Variants in CAND2 observed in about 807,000 individuals in gnomAD.
The protein encoded by CAND2 is cullin associated and neddylation dissociated 2 (putative).
CAND2 carries 62 observed loss-of-function variants against 98.9 expected under a neutral mutation model. That is an observed-to-expected ratio of 0.63 (90% confidence interval 0.51 to 0.77). The LOEUF (loss-of-function observed/expected upper bound fraction) is 0.77. CAND2 is among the 30% of genes least tolerant of loss of function. The pLI, the probability that CAND2 is intolerant of heterozygous loss-of-function variation, is 0.00. For synonymous variants in CAND2, 770 were observed against 731.9 expected, an observed-to-expected ratio of 1.05 and a Z score of -0.84; for missense variants, 1,501 against 1,655.2, an observed-to-expected ratio of 0.91 and a Z score of 1.62.
intron 12 of CAND2, among the ~76,000 whole-genome samples, chr3:12,827,188 C>T (rs1237339007): frequency 6.6e-6 from 1 of 152,192 alleles, no homozygotes; most frequent in Non-Finnish European, 1.5e-5. Flanking sequence ...ATCAGTCAAG[C>T]AGTCAGCACA....
Position 12,815,299 on chromosome 3 carries a change from G to A in CAND2, c.1165G>A (p.Glu389Lys), listed in dbSNP as rs564884630. Residue 389 changes from glutamate (E) to lysine (K), a missense_variant, in exon 8 of 15, where the codon GAG (glutamate) becomes AAG (lysine). Around this residue, in one of 3 missense-constraint regions of CAND2, gnomAD observed 1,427 missense variants for 1,545.3 expected, o/e 0.92. Coordinates refer to ENST00000456430, the MANE Select transcript of CAND2 (RefSeq NM_001162499.2). The surrounding 1 kb of genome is among the most constrained non-coding windows in gnomAD (Gnocchi z 5.7). Reference sequence around the variant, plus strand: ...GCTCATCCGCCGCTTCAAAGAACGCGAGGAGAACGTCAAGGCTGACGTCTT... The same window carrying A: ...GCTCATCCGCCGCTTCAAAGAACGCAAGGAGAACGTCAAGGCTGACGTCTT... Reference protein sequence around the residue: ...PVLIRRFKEREENVKADVFTA... With the variant: ...PVLIRRFKERKENVKADVFTA... 19 of 1,613,982 alleles carry A rather than the reference G, an allele frequency of 1.2e-5. No individual in the cohort carries two copies. The highest frequency in any genetic ancestry group is 6.7e-5 in the Admixed American group (4 of 60,028).
In CAND2 at chr3:12,834,666, AT is replaced by A. The variant is rs1269954355; in HGVS notation, c.*685del. ...GCATCTTCCATGCCACCACCCAGGC[AT>A]AACCAGTTGGTTTGTTTCCTTCTGA... On this transcript the variant is annotated 3_prime_UTR_variant, in exon 15 of 15. Transcript: ENST00000456430. The A allele has an allele frequency of 6.6e-6, 1 of 152,488 alleles. No homozygotes were observed. Among genetic ancestry groups the A allele is most frequent in the Non-Finnish European group, 1.5e-5 (1 of 68,260 alleles). The allele number at this position is 152,488 out of a possible 1,614,324, so 9.4% of individuals were successfully genotyped here.
chr3:12,812,153 T>C (rs2061856180), intron 5 of CAND2, among the ~76,000 whole-genome samples: 1 of 144,254 alleles, frequency 6.9e-6, no homozygotes, highest in Non-Finnish European at 1.5e-5. Flanking sequence ...AGATGATCCA[T>C]CTGCCTTGGC....
At chr3:12,798,862 A>T (rs966962387) in intron 1 of CAND2, among the ~76,000 whole-genome samples, 3 of 151,056 alleles carry the variant, frequency 2.0e-5, no homozygotes, top group Non-Finnish European at 2.9e-5. Flanking sequence ...GTTTCAGCTG[A>T]GTTGCCTCTA....
intron 10 of CAND2, 128 bp from the exon 11 acceptor site, chr3:12,819,958 C>G (rs769674684): frequency 2.9e-6 from 2 of 696,940 alleles, no homozygotes; most frequent in Non-Finnish European, 5.0e-6. Flanking sequence ...TCCACTTTCC[C>G]AGAGATGGGG....
In CAND2 at chr3:12,815,078, C is replaced by T; in HGVS notation, c.1007-63C>T. 6.5e-7 allele frequency: 1 copy of T among 1,526,764 alleles called. No individual in the cohort carries two copies. 94.6% of individuals were successfully genotyped at this position (1,526,764 alleles called of 1,614,324 possible). ...GCTCTCTCTCCTCCCTGTCCCTTCT[C>T]CCCCGAGCCACAGACCTGTCCTGGG... On this transcript the variant is annotated intron_variant, in intron 7 of 14. Transcript: ENST00000456430. The surrounding 1 kb of genome is among the most constrained non-coding windows in gnomAD (Gnocchi z 5.7).
At chr3:12,826,681 G>C (rs930915725) in intron 12 of CAND2, among the ~76,000 whole-genome samples, 2 of 152,058 alleles carry the variant, frequency 1.3e-5, no homozygotes, top group African/African-American at 4.8e-5. Flanking sequence ...CAAAGTGCTG[G>C]GAGGACAGCC....
chr3:12,801,503 T>C (rs1484260560), intron 1 of CAND2, among the ~76,000 whole-genome samples: 1 of 152,220 alleles, frequency 6.6e-6, no homozygotes, highest in African/African-American at 2.4e-5. Flanking sequence ...TCCCGCACCA[T>C]TCCTCGACTT....
intron 5 of CAND2, among the ~76,000 whole-genome samples, chr3:12,811,959 T>C (rs1175083146): frequency 1.3e-5 from 2 of 151,826 alleles, no homozygotes; most frequent in Non-Finnish European, 2.9e-5. Context: ...TTTCCCAGGC[T>C]GGAGTGTAGT....
chr3:12,832,196 AGTG>A (rs1199251373), intron 14 of CAND2: 2 of 152,268 alleles, frequency 1.3e-5, no homozygotes, highest in Non-Finnish European at 2.9e-5. Flanking sequence ...ATACCCATAA[AGTG>A]GTGATTTTCA....
At chr3:12,811,001 A>G (rs2061847578) in intron 5 of CAND2, among the ~76,000 whole-genome samples, 1 of 152,220 alleles carries the variant, frequency 6.6e-6, no homozygotes, top group Admixed American at 6.5e-5. Context: ...GTTTGAATGT[A>G]TCCTCAGACA....
rs145908019 is a variant in CAND2, at chr3:12,832,176, A to T, written c.3483+604A>T. 4 of 152,376 alleles carry T rather than the reference A, an allele frequency of 2.6e-5. No individual in the cohort carries two copies. The East Asian group carries it at 5.8e-4, about 22-fold the overall frequency. The allele number at this position is 152,376 out of a possible 1,614,324, so 9.4% of individuals were successfully genotyped here. A position where few individuals can be genotyped will look rare whatever the true frequency, so the allele number is the denominator to read the frequency against. On this transcript the variant is annotated intron_variant, in intron 14 of 14. Transcript: ENST00000456430. The stretch of plus-strand genomic sequence containing the variant: ...GAGCAGTGTTTTAGGTTGGCACTTA[A>T]AGAGGAGAGATACCCATAAAGTGGT...
At chr3:12,830,051 C>T (rs190274374) in intron 13 of CAND2, among the ~76,000 whole-genome samples, 94 of 152,280 alleles carry the variant, frequency 6.2e-4, no homozygotes, top group African/African-American at 2.0e-3. Context: ...ATCCGATGCG[C>T]GTGGTGAGGC....
intron 4 of CAND2, 81 bp from the exon 5 acceptor site, chr3:12,809,978 G>A: frequency 7.3e-7 from 1 of 1,377,876 alleles, no homozygotes; most frequent in Non-Finnish European, 9.4e-7. Context: ...AGGAGGCCGG[G>A]AGAGAATGGG....
chr3:12,816,907 T>C lies in CAND2; in HGVS notation c.1975T>C (p.Ser659Pro), dbSNP rs1180727617. 6.2e-7 allele frequency: 1 copy of C among 1,613,716 alleles called. No homozygotes were observed. Among genetic ancestry groups the C allele is most frequent in the Middle Eastern group, 1.6e-4 (1 of 6,084 alleles). The change falls in exon 10 of 15, where the codon TCA (serine) becomes CCA (proline). Residue 659 changes from serine to proline, a missense_variant. Coordinates refer to ENST00000456430, the MANE Select transcript of CAND2 (RefSeq NM_001162499.2). ...ILAEALHILA[S>P]FLRKNQRALR... is the part of the protein sequence containing the mutation. Reference sequence around the variant, plus strand: ...GGCCGAGGCACTGCACATTCTGGCCTCATTCCTGCGGAAGAACCAGCGGGC... The same window carrying C: ...GGCCGAGGCACTGCACATTCTGGCCCCATTCCTGCGGAAGAACCAGCGGGC...
intron 7 of CAND2, among the ~76,000 whole-genome samples, 154 bp downstream of exon 7, chr3:12,813,542 C>A (rs1045999783): frequency 6.6e-6 from 1 of 152,174 alleles, no homozygotes; most frequent in Admixed American, 6.5e-5. Flanking sequence ...CTGCACAGAC[C>A]ACAGTAATGA....
At chr3:12,833,235 G>C (rs2062069820) in intron 14 of CAND2, among the ~76,000 whole-genome samples, 1 of 152,180 alleles carries the variant, frequency 6.6e-6, no homozygotes, top group Non-Finnish European at 1.5e-5. Flanking sequence ...GGGGGAAGAG[G>C]AAACAGAAAC....
chr3:12,821,433 A>C lies in CAND2; in HGVS notation c.3040+1252A>C, dbSNP rs116777131. 6.5e-3 allele frequency among the ~76,000 whole-genome samples: 992 copies of C among 152,194 alleles called. 11 individuals are homozygous for C. The highest frequency in any genetic ancestry group is 0.023 in the African/African-American group (942 of 41,526). ...AAAAAAAAGGAACGGTTGTGCTGATACTCATCTGCCAGGGGCCTGTTATGT... is the reference window on the plus strand; with the variant it reads ...AAAAAAAAGGAACGGTTGTGCTGATCCTCATCTGCCAGGGGCCTGTTATGT... On this transcript the variant is annotated intron_variant, in intron 11 of 14. Coordinates refer to ENST00000456430, the MANE Select transcript of CAND2 (RefSeq NM_001162499.2).
Position 12,813,302 on chromosome 3 carries a change from A to G in CAND2, c.920A>G (p.Tyr307Cys), listed in dbSNP as rs1220525922. Residue 307 changes from tyrosine (Y) to cysteine (C), a missense_variant, in exon 7 of 15, where the codon TAC becomes TGC. Physicochemically the swap from Tyr to Cys is radical, Grantham distance 194 (BLOSUM62 -2). Coordinates refer to ENST00000456430, the MANE Select transcript of CAND2 (RefSeq NM_001162499.2). ...VPNVTSLCLQ[Y>C]IKHDPNYNYD... Reference sequence around the variant, plus strand: ...AACGTGACCAGCCTCTGCCTCCAATACATAAAACACGACCCCAACTACAAC... The same window carrying G: ...AACGTGACCAGCCTCTGCCTCCAATGCATAAAACACGACCCCAACTACAAC... 6.2e-7 allele frequency: 1 copy of G among 1,613,968 alleles called. No homozygotes were observed. The highest frequency in any genetic ancestry group is 8.5e-7 in the Non-Finnish European group (1 of 1,180,024).
Sources: allele counts gnomAD v4.1 joint callset (sites outside exome capture counted in the v4.1 genomes callset), GRCh38; gene constraint gnomAD v4.1.1; regional missense constraint gnomAD v4.1.1; non-coding constraint Gnocchi (gnomAD v3.1); transcripts MANE v1.5; gene names NCBI Gene and HGNC (gene_info 2026-07-23, HGNC 2026-07-21).